Variants in TRRAP observed in about 807,000 individuals in gnomAD.
TRRAP encodes transformation/transcription domain associated protein, also known as transformation/transcription domain-associated protein.
TRRAP carries 41 observed loss-of-function variants against 438.8 expected under a neutral mutation model. That is an observed-to-expected ratio of 0.09 (90% CI 0.07 to 0.12). TRRAP has a LOEUF of 0.12. Ranked by LOEUF, TRRAP falls within the 10% of genes least tolerant of loss-of-function variation. The pLI is 1.00. For missense variants in TRRAP, 3,122 were observed against 5,055.1 expected, an observed-to-expected ratio of 0.62 and a Z score of 11.60; for synonymous variants, 1,994 against 1,962.9, an observed-to-expected ratio of 1.02 and a Z score of -0.42.
chr7:99,002,302 G>A (rs1190202790), intron 67 of TRRAP, among the ~76,000 whole-genome samples: 2 of 152,220 alleles, frequency 1.3e-5, no homozygotes, highest in East Asian at 3.8e-4. Flanking sequence ...CACATAACTG[G>A]TGAAGTCTGA....
intron 58 of TRRAP, among the ~76,000 whole-genome samples, chr7:98,981,000 T>C (rs985720379): frequency 6.6e-6 from 1 of 152,108 alleles, no homozygotes; most frequent in African/African-American, 2.4e-5. Flanking sequence ...TAGTGTGCTA[T>C]GAGCATGACC....
chr7:98,971,813 C>T lies in TRRAP; in HGVS notation c.7707C>T (p.Asp2569=), dbSNP rs145782533. The T allele has an allele frequency of 1.4e-4, 223 of 1,614,000 alleles. 2 individuals are homozygous for T. The Middle Eastern group carries it at 3.6e-3, about 26-fold the overall frequency. ...SESKEEDVEI[D]IELAPGDQTS... is the part of the protein sequence containing the mutation. Reference sequence around the variant, plus strand: ...TTGTTTCTTAGGATGTAGAGATAGACATCGAACTAGCTCCTGGGGATCAGA... The same window carrying T: ...TTGTTTCTTAGGATGTAGAGATAGATATCGAACTAGCTCCTGGGGATCAGA... Residue 2569 remains aspartate, a synonymous_variant, in exon 53 of 73, where the codon GAC becomes GAT. Transcript: ENST00000456197.
chr7:98,937,206 G>C lies in TRRAP; in HGVS notation c.4162G>C (p.Ala1388Pro). The change falls in exon 29 of 73, where the codon GCT (alanine) becomes CCT (proline). Residue 1388 changes from alanine to proline, a missense_variant. Physicochemically the swap from Ala to Pro is conservative, Grantham distance 27 (BLOSUM62 -1). Transcript: ENST00000456197. ...TCCTCAGTCCAGGGAGAAAATCATCGCTGCACTCTTCAAAGCCCTGAATTC... is the reference window on the plus strand; with the variant it reads ...TCCTCAGTCCAGGGAGAAAATCATCCCTGCACTCTTCAAAGCCCTGAATTC... ...YLPQSREKII[A>P]ALFKALNSTN... 1 of 1,613,684 alleles carries C rather than the reference G, an allele frequency of 6.2e-7. No individual in the cohort carries two copies. Among genetic ancestry groups the C allele is most frequent in the Non-Finnish European group, 8.5e-7 (1 of 1,179,716 alleles).
At chr7:98,990,703 T>A (rs1032714498) in intron 64 of TRRAP, 84 bp downstream of exon 64, 1 of 1,474,512 alleles carries the variant, frequency 6.8e-7, no homozygotes, top group African/African-American at 1.4e-5. Context: ...GAAAGTAAAT[T>A]TGAGTGTTCA....
chr7:98,881,833 A>T, intron 2 of TRRAP, 142 bp from the exon 3 acceptor site: 1 of 797,362 alleles, frequency 1.3e-6, no homozygotes, highest in Non-Finnish European at 2.0e-6. Context: ...GTAGGGAACT[A>T]GCTATGTGCC....
In TRRAP at chr7:98,961,335, C is replaced by G. The variant is rs780791360; in HGVS notation, c.6564C>G (p.Leu2188=). The change falls in exon 46 of 73, where the codon CTC becomes CTG. Residue 2188 remains leucine, a synonymous_variant. Transcript: ENST00000456197. ...TGCTGAGCTTCCTGCTAACTGTCCT[C>G]CAGTCCCCAGCCATCCTCAGTAGCT... The part of the protein sequence containing the change: ...LEVLSFLLTV[L]QSPAILSSFK... 3.1e-5 allele frequency: 50 copies of G among 1,614,136 alleles called. No homozygotes were observed. The South Asian group carries it at 5.3e-4, about 17-fold the overall frequency.
chr7:98,892,382 G>C, intron 4 of TRRAP, 42 bp from the exon 5 acceptor site: 2 of 1,496,356 alleles, frequency 1.3e-6, no homozygotes. Flanking sequence ...GGAACCCTTG[G>C]AAGTATTTTT....
chr7:98,913,361 C>T (rs1207434087), intron 18 of TRRAP, among the ~76,000 whole-genome samples: 2 of 151,608 alleles, frequency 1.3e-5, no homozygotes, highest in Non-Finnish European at 2.9e-5. Context: ...GTGATCTTGG[C>T]TCACTGCAAC....
chr7:98,933,547 AC>A (rs1790421697), intron 27 of TRRAP, 145 bp downstream of exon 27: 1 of 1,162,196 alleles, frequency 8.6e-7, no homozygotes, highest in Non-Finnish European at 1.2e-6. Context: ...TGGCACAGCA[AC>A]CTGAGCAGGT....
intron 47 of TRRAP, among the ~76,000 whole-genome samples, chr7:98,963,292 C>G (rs573868911): frequency 3.9e-5 from 6 of 152,212 alleles, no homozygotes; most frequent in East Asian, 3.8e-4. Context: ...CTTGCTGTCT[C>G]TCTTCAGGCA....
At chr7:98,914,553 C>A (rs1033611051) in intron 18 of TRRAP, among the ~76,000 whole-genome samples, 1 of 150,536 alleles carries the variant, frequency 6.6e-6, no homozygotes, top group Non-Finnish European at 1.5e-5. Flanking sequence ...CGGGACAAAT[C>A]GAATGTTGGA....
chr7:98,906,319 C>A, intron 13 of TRRAP, 64 bp downstream of exon 13: 1 of 1,353,962 alleles, frequency 7.4e-7, no homozygotes, highest in South Asian at 1.2e-5. Context: ...ACTGGCACTT[C>A]ATGTTACAAG....
intron 53 of TRRAP, among the ~76,000 whole-genome samples, 198 bp downstream of exon 53, chr7:98,972,143 G>A (rs57162551): frequency 6.6e-6 from 1 of 152,222 alleles, no homozygotes; most frequent in African/African-American, 2.4e-5. Context: ...CCTGGGCCAA[G>A]CGATCCTCCC....
chr7:98,980,237 A>G (rs1792851956), intron 58 of TRRAP, among the ~76,000 whole-genome samples: 1 of 152,182 alleles, frequency 6.6e-6, no homozygotes, highest in Non-Finnish European at 1.5e-5. Flanking sequence ...CCATTATTGC[A>G]TGCAGTCCTT....
At chr7:98,980,167 A>G (rs2116747516) in intron 58 of TRRAP, among the ~76,000 whole-genome samples, 1 of 152,302 alleles carries the variant, frequency 6.6e-6, no homozygotes, top group South Asian at 2.1e-4. Flanking sequence ...GTGCTTTGGA[A>G]GAGTAAGATG....
At chr7:99,004,527 C>A in intron 68 of TRRAP, 112 bp downstream of exon 68, 1 of 868,230 alleles carries the variant, frequency 1.2e-6, no homozygotes, top group Non-Finnish European at 1.8e-6. Context: ...GATTCCCTGA[C>A]ATGGGAGAAC....
intron 67 of TRRAP, among the ~76,000 whole-genome samples, chr7:98,995,523 G>A (rs551467112): frequency 1.1e-4 from 16 of 152,046 alleles, no homozygotes; most frequent in African/African-American, 3.6e-4. Context: ...AGATTAATGC[G>A]TTTTCCTAGG....
intron 6 of TRRAP, 57 bp downstream of exon 6, chr7:98,893,938 T>G: frequency 6.4e-7 from 1 of 1,559,028 alleles, no homozygotes; most frequent in South Asian, 1.2e-5. Flanking sequence ...GTTCCTTCTG[T>G]GAAATTTTTT....
intron 69 of TRRAP, among the ~76,000 whole-genome samples, chr7:99,008,153 G>A (rs1180902585): frequency 2.0e-5 from 3 of 152,178 alleles, no homozygotes; most frequent in Non-Finnish European, 4.4e-5. Context: ...GCCTTCTAAA[G>A]CATTTCTGTT....
Sources: gnomAD v4.1 joint callset for allele counts (sites outside exome capture counted in the v4.1 genomes callset) on GRCh38, gnomAD v4.1.1 for gene constraint, MANE v1.5 for transcripts, NCBI Gene and HGNC (gene_info 2026-07-23, HGNC 2026-07-21) for gene names.